Variants in RFX3 observed in about 807,000 individuals in gnomAD.
RFX3 encodes the protein transcription factor RFX3.
Under a neutral mutation model 98.6 loss-of-function variants are expected in RFX3, and 14 were observed. That is an observed-to-expected ratio of 0.14 (90% CI 0.09 to 0.22). The LOEUF is 0.22. Ranked by LOEUF, RFX3 falls within the 10% of genes least tolerant of loss-of-function variation. The pLI is 1.00. For synonymous variants in RFX3, 383 were observed against 328.4 expected, an observed-to-expected ratio of 1.17 and a Z score of -1.80; for missense variants, 639 against 926.9, an observed-to-expected ratio of 0.69 and a Z score of 4.03.
rs188125408 is a variant in RFX3, at chr9:3,247,232, C to A, written c.1968+800G>T. ...AACCATCTGAGCATTTGCATCTATT[C>A]CTCATTATATTAACCAGCCCTTGTT... is the stretch of plus-strand genomic sequence containing the variant. On this transcript the variant is annotated intron_variant, in intron 15 of 16. Transcript: ENST00000617270. The A allele has an allele frequency of 1.2e-4, 112 of 954,564 alleles. No homozygotes were observed. The South Asian group carries it at 5.4e-3, about 46-fold the overall frequency. The allele number at this position is 954,564 out of a possible 1,614,324, so 59.1% of individuals were successfully genotyped here.
chr9:3,512,153 A>G (rs2133841999), intron 1 of RFX3, among the ~76,000 whole-genome samples: 1 of 152,180 alleles, frequency 6.6e-6, no homozygotes, highest in Middle Eastern at 3.4e-3. Flanking sequence ...ATTTTTAAAT[A>G]TTTTGTTTTA....
At chr9:3,281,008 ATG>A (rs1825855418) in intron 7 of RFX3, among the ~76,000 whole-genome samples, 1 of 151,838 alleles carries the variant, frequency 6.6e-6, no homozygotes, top group South Asian at 2.1e-4. Context: ...TTAAGGTAAC[ATG>A]CTTGATTTTA....
intron 1 of RFX3, among the ~76,000 whole-genome samples, chr9:3,408,052 C>T (rs970858009): frequency 6.6e-6 from 1 of 152,202 alleles, no homozygotes; most frequent in African/African-American, 2.4e-5. Flanking sequence ...TGACTGCCTG[C>T]AGCTTCTCAA....
At chr9:3,496,286 T>C (rs1487293465) in intron 1 of RFX3, among the ~76,000 whole-genome samples, 2 of 151,556 alleles carry the variant, frequency 1.3e-5, no homozygotes, top group East Asian at 3.8e-4. Flanking sequence ...TTAGTGCATA[T>C]TTTTTTCTAT....
chr9:3,272,169 C>T (rs1355204327), intron 9 of RFX3, among the ~76,000 whole-genome samples: 2 of 152,018 alleles, frequency 1.3e-5, no homozygotes, highest in Admixed American at 6.6e-5. Context: ...CCTGTTTGTG[C>T]CAAGAACACA....
intron 3 of RFX3, among the ~76,000 whole-genome samples, chr9:3,338,029 G>A (rs1301533485): frequency 2.0e-5 from 3 of 152,100 alleles, no homozygotes; most frequent in East Asian, 1.9e-4. Flanking sequence ...CTGAATATCC[G>A]AATATTCATC....
At chr9:3,431,057 T>G (rs1844613682) in intron 1 of RFX3, among the ~76,000 whole-genome samples, 1 of 152,202 alleles carries the variant, frequency 6.6e-6, no homozygotes, top group Admixed American at 6.5e-5. Flanking sequence ...TAAAATTAAC[T>G]ATAATACCTA....
At position 3,225,424 on chromosome 9, in the gene RFX3, T is replaced by C. The variant is rs1586634687; in HGVS notation, c.2012-144A>G. ...CAGGAAACAAAGCTTAGAGGTTTTC[T>C]TTTCATCAGATTTTATTCATATCAA... On this transcript the variant is annotated intron_variant, in intron 16 of 16. Transcript: ENST00000617270. The C allele has an allele frequency of 6.3e-6, 8 of 1,273,012 alleles. No individual in the cohort carries two copies. The East Asian group carries it at 2.0e-4, about 32-fold the overall frequency. 78.9% of individuals were successfully genotyped at this position (1,273,012 alleles called of 1,614,324 possible). A position where few individuals can be genotyped will look rare whatever the true frequency, so the allele number is the denominator to read the frequency against.
At chr9:3,267,883 T>A (rs1482849805) in intron 11 of RFX3, among the ~76,000 whole-genome samples, 1 of 151,896 alleles carries the variant, frequency 6.6e-6, no homozygotes, top group Non-Finnish European at 1.5e-5. Context: ...CATTTTCCAT[T>A]TTTCCTACAA....
chr9:3,372,962 G>GA (rs1448082885), intron 2 of RFX3, among the ~76,000 whole-genome samples: 1 of 151,878 alleles, frequency 6.6e-6, no homozygotes, highest in African/African-American at 2.4e-5. Context: ...GCAAACACAA[G>GA]AAAAAATGGT....
At chr9:3,374,963 C>T (rs1361817082) in intron 2 of RFX3, among the ~76,000 whole-genome samples, 1 of 151,686 alleles carries the variant, frequency 6.6e-6, no homozygotes, top group Non-Finnish European at 1.5e-5. Flanking sequence ...TTATCATTGT[C>T]ATGATACAAG....
At chr9:3,305,809 G>T (rs1048373968) in intron 4 of RFX3, among the ~76,000 whole-genome samples, 1 of 151,972 alleles carries the variant, frequency 6.6e-6, no homozygotes, top group African/African-American at 2.4e-5. Flanking sequence ...TCTCATCAAA[G>T]ATTAAATTGA....
intron 2 of RFX3, among the ~76,000 whole-genome samples, chr9:3,382,447 A>G (rs944985971): frequency 5.3e-5 from 8 of 152,072 alleles, no homozygotes; most frequent in African/African-American, 1.9e-4. Flanking sequence ...TTTCTTAGAG[A>G]TTGGGGTGGA....
intron 1 of RFX3, among the ~76,000 whole-genome samples, chr9:3,504,959 AT>A (rs1816753776): frequency 1.0e-4 from 6 of 59,604 alleles, no homozygotes; most frequent in African/African-American, 6.1e-4. Context: ...AATATATATT[AT>A]ATATAATATA....
intron 1 of RFX3, among the ~76,000 whole-genome samples, chr9:3,512,204 A>T (rs57838553): frequency 2.0e-5 from 3 of 152,070 alleles, no homozygotes. Context: ...ATCTGTTGTT[A>T]GCATAAGATT....
chr9:3,477,400 T>C (rs1276729395), intron 1 of RFX3, among the ~76,000 whole-genome samples: 5 of 152,220 alleles, frequency 3.3e-5, no homozygotes, highest in Non-Finnish European at 5.9e-5. Context: ...TCAGTTTTTA[T>C]CTATTTGGAA....
At chr9:3,386,898 G>A (rs1293409456) in intron 2 of RFX3, among the ~76,000 whole-genome samples, 3 of 152,120 alleles carry the variant, frequency 2.0e-5, no homozygotes, top group African/African-American at 4.8e-5. Flanking sequence ...GAAAATGCTA[G>A]GGAGGGGACA....
chr9:3,409,883 T>C lies in RFX3; in HGVS notation c.-8-14287A>G, dbSNP rs553760384. Among the ~76,000 whole-genome samples the C allele has an allele frequency of 3.9e-5, 6 of 152,056 alleles. No homozygotes were observed. The South Asian group carries it at 1.2e-3, about 32-fold the overall frequency. On this transcript the variant is annotated intron_variant, in intron 1 of 16. Coordinates refer to ENST00000617270, the MANE Select transcript of RFX3 (RefSeq NM_001282116.2). ...AGAAAAATCAACCAAATGGATCCATTAGTATAAGATCTAGTATTAGAACTC... is the reference window on the plus strand; with the variant it reads ...AGAAAAATCAACCAAATGGATCCATCAGTATAAGATCTAGTATTAGAACTC...
chr9:3,454,839 G>A (rs144997745), intron 1 of RFX3, among the ~76,000 whole-genome samples: 297 of 152,170 alleles, frequency 2.0e-3, no homozygotes, highest in African/African-American at 6.6e-3. Context: ...TGAGAAAAAC[G>A]TGGTACAATT....
Sources: gnomAD v4.1 joint callset for allele counts (sites outside exome capture counted in the v4.1 genomes callset) on GRCh38, gnomAD v4.1.1 for gene constraint, MANE v1.5 for transcripts, NCBI Gene and HGNC (gene_info 2026-07-23, HGNC 2026-07-21) for gene names.